SLC25A21: variants seen among roughly 807,000 people sequenced by gnomAD.
SLC25A21 encodes the protein mitochondrial 2-oxodicarboxylate carrier.
Under a neutral mutation model 43.8 loss-of-function variants are expected in SLC25A21, and 47 were observed. That is an observed-to-expected ratio of 1.07 (90% CI 0.85 to 1.37). The LOEUF is 1.37. SLC25A21 is among the 40% of genes most tolerant of loss of function. SLC25A21 has a pLI of 0.00. For synonymous variants in SLC25A21, 131 were observed against 121.3 expected (o/e 1.08, Z -0.52); for missense variants, 352 against 350.2 (o/e 1.00, Z -0.04).
At chr14:37,162,189 GA>G (rs1209626530) in intron 1 of SLC25A21, among the ~76,000 whole-genome samples, 2 of 152,086 alleles carry the variant, frequency 1.3e-5, no homozygotes, top group Admixed American at 1.3e-4. Context: ...AGAAATTTCT[GA>G]AAATTTTCTC....
At chr14:36,928,814 A>G (rs1357391376) in intron 1 of SLC25A21, among the ~76,000 whole-genome samples, 1 of 152,194 alleles carries the variant, frequency 6.6e-6, no homozygotes, top group Non-Finnish European at 1.5e-5. Context: ...CATTCTGAAG[A>G]AATGTGAACA....
At chr14:36,826,129 C>G (rs541646896) in intron 2 of SLC25A21, among the ~76,000 whole-genome samples, 54 of 152,308 alleles carry the variant, frequency 3.5e-4, no homozygotes, top group African/African-American at 1.3e-3. Context: ...CAGAAGTTTG[C>G]ATTACAATAC....
At chr14:37,035,689 C>T (rs1016249763) in intron 1 of SLC25A21, among the ~76,000 whole-genome samples, 13 of 152,176 alleles carry the variant, frequency 8.5e-5, no homozygotes, top group Non-Finnish European at 1.3e-4. Flanking sequence ...AGCCAACATG[C>T]CTGACAACCA....
At chr14:37,096,744 T>G (rs1423022409) in intron 1 of SLC25A21, among the ~76,000 whole-genome samples, 1 of 152,172 alleles carries the variant, frequency 6.6e-6, no homozygotes, top group Non-Finnish European at 1.5e-5. Flanking sequence ...GTTAAATTTC[T>G]CTGATCGAAT....
chr14:36,912,558 A>G (rs879882123), intron 1 of SLC25A21, among the ~76,000 whole-genome samples: 3 of 152,352 alleles, frequency 2.0e-5, no homozygotes, highest in Admixed American at 1.3e-4. Flanking sequence ...AAAGGTATCC[A>G]AAAGTGCCTA....
At chr14:37,035,809 A>G (rs2138775400) in intron 1 of SLC25A21, among the ~76,000 whole-genome samples, 1 of 152,358 alleles carries the variant, frequency 6.6e-6, no homozygotes, top group East Asian at 1.9e-4. Flanking sequence ...AGCTAAAGGA[A>G]GAATTACCCA....
At chr14:37,012,071 TCTGA>T (rs1260228111) in intron 1 of SLC25A21, among the ~76,000 whole-genome samples, 1 of 152,194 alleles carries the variant, frequency 6.6e-6, no homozygotes, top group Admixed American at 6.5e-5. Context: ...TGGGCTATGC[TCTGA>T]CTATGCCTAT....
chr14:36,756,726 C>G (rs1409443152), intron 3 of SLC25A21, among the ~76,000 whole-genome samples: 2 of 152,138 alleles, frequency 1.3e-5, no homozygotes, highest in Non-Finnish European at 2.9e-5. Context: ...AAACCATTAA[C>G]CTGGTACAGT....
At chr14:37,167,626 T>G (rs986317124) in intron 1 of SLC25A21, among the ~76,000 whole-genome samples, 29 of 151,470 alleles carry the variant, frequency 1.9e-4, no homozygotes, top group African/African-American at 6.8e-4. Flanking sequence ...AAATTATGGT[T>G]TAGGAGTCAT....
chr14:37,062,770 A>T lies in SLC25A21; in HGVS notation c.70+109511T>A, dbSNP rs1456460058. Among the ~76,000 whole-genome samples the T allele has an allele frequency of 2.6e-5, 4 of 152,176 alleles. No homozygotes were observed. In the East Asian group the frequency reaches 7.7e-4, roughly 29 times the overall value. On this transcript the variant is annotated intron_variant, in intron 1 of 9. Coordinates refer to ENST00000331299, the MANE Select transcript of SLC25A21 (RefSeq NM_030631.4). Reference sequence around the variant, plus strand: ...AAAATACTGAAGGTTTAGATAAGTTATAGGGGTTTGATAAGTGGGCTGGTG... The same window carrying T: ...AAAATACTGAAGGTTTAGATAAGTTTTAGGGGTTTGATAAGTGGGCTGGTG...
At chr14:36,711,254 A>G (rs747262926) in intron 7 of SLC25A21, 64 bp downstream of exon 7, 14 of 1,471,242 alleles carry the variant, frequency 9.5e-6, no homozygotes, top group Non-Finnish European at 1.3e-5. Flanking sequence ...TAAACATTCT[A>G]CAAACGGAGC....
rs573379049 is a variant in SLC25A21, at chr14:37,114,794, G to A, written c.70+57487C>T. On this transcript the variant is annotated intron_variant, in intron 1 of 9. Transcript: ENST00000331299. ...CAGAGAGTCATTTTTATGGCGGGGGGGGAATTGGTGGTTTTCATTGGTGGT... is the reference window on the plus strand; with the variant it reads ...CAGAGAGTCATTTTTATGGCGGGGGAGGAATTGGTGGTTTTCATTGGTGGT... 7.5e-3 allele frequency among the ~76,000 whole-genome samples: 1,140 copies of A among 152,104 alleles called. 18 individuals are homozygous for A. The highest frequency in any genetic ancestry group is 0.026 in the African/African-American group (1,075 of 41,490).
At chr14:37,171,094 T>G (rs985152200) in intron 1 of SLC25A21, among the ~76,000 whole-genome samples, 106 of 102,018 alleles carry the variant, frequency 1.0e-3, no homozygotes, top group African/African-American at 4.0e-3. Flanking sequence ...AGAGAGAGAC[T>G]CCATCGAAAA....
intron 1 of SLC25A21, among the ~76,000 whole-genome samples, chr14:37,117,746 A>G (rs377718425): frequency 1.7e-4 from 26 of 152,168 alleles, no homozygotes; most frequent in African/African-American, 6.3e-4. Flanking sequence ...AAGGCTCAAT[A>G]CTGCCATCTC....
chr14:37,127,893 G>C (rs1272783483), intron 1 of SLC25A21, among the ~76,000 whole-genome samples: 1 of 152,204 alleles, frequency 6.6e-6, no homozygotes, highest in East Asian at 1.9e-4. Context: ...GTCATAAAGA[G>C]AAGAGACTAT....
intron 1 of SLC25A21, among the ~76,000 whole-genome samples, chr14:37,152,921 C>T (rs1294464285): frequency 2.0e-5 from 3 of 152,096 alleles, no homozygotes; most frequent in African/African-American, 7.2e-5. Context: ...ACTTCAAATA[C>T]GTTATCCAAG....
chr14:36,886,759 A>G (rs542743609), intron 1 of SLC25A21, among the ~76,000 whole-genome samples: 10 of 152,320 alleles, frequency 6.6e-5, no homozygotes, highest in Admixed American at 3.3e-4. Flanking sequence ...GTTTTTATGT[A>G]AGTCAATTTC....
intron 1 of SLC25A21, among the ~76,000 whole-genome samples, chr14:37,170,355 T>G (rs1038718320): frequency 6.6e-6 from 1 of 152,146 alleles, no homozygotes; most frequent in African/African-American, 2.4e-5. Flanking sequence ...ACTTTTAACA[T>G]TCTTTGAGTT....
At chr14:36,967,650 A>G (rs912514792) in intron 1 of SLC25A21, among the ~76,000 whole-genome samples, 4 of 152,234 alleles carry the variant, frequency 2.6e-5, no homozygotes, top group African/African-American at 9.6e-5. Flanking sequence ...GCATACAGTA[A>G]CAAGCTTCTA....
Sources: allele counts gnomAD v4.1 joint callset (sites outside exome capture counted in the v4.1 genomes callset), GRCh38; gene constraint gnomAD v4.1.1; transcripts MANE v1.5; gene names NCBI Gene and HGNC (gene_info 2026-07-23, HGNC 2026-07-21).